SKAP2: variants seen among roughly 807,000 people sequenced by gnomAD.
The protein encoded by SKAP2 is src kinase-associated phosphoprotein 2.
A neutral mutation model predicts 54.9 loss-of-function variants in SKAP2; 28 were observed. The ratio of observed to expected loss-of-function variants is 0.51; its 90% CI spans 0.38 to 0.70. The LOEUF (loss-of-function observed/expected upper bound fraction) is 0.70, where lower values mean the gene tolerates loss of function less well. SKAP2 is among the 30% of genes least tolerant of loss of function. SKAP2 has a pLI of 0.00. For missense variants in SKAP2, 356 were observed against 424.1 expected, an observed-to-expected ratio of 0.84 and a Z score of 1.41; for synonymous variants, 137 against 134.3, an observed-to-expected ratio of 1.02 and a Z score of -0.14.
At chr7:26,812,156 T>C (rs1784160386) in intron 4 of SKAP2, among the ~76,000 whole-genome samples, 2 of 152,184 alleles carry the variant, frequency 1.3e-5, no homozygotes, top group South Asian at 4.1e-4. Context: ...CCTTGCAATA[T>C]CAAATCACTC....
At chr7:26,719,660 T>A (rs1248888422) in intron 9 of SKAP2, among the ~76,000 whole-genome samples, 1 of 152,198 alleles carries the variant, frequency 6.6e-6, no homozygotes, top group Non-Finnish European at 1.5e-5. Context: ...AGAAAATGCT[T>A]CCTTCATTTT....
intron 1 of SKAP2, among the ~76,000 whole-genome samples, chr7:26,863,153 A>T (rs1004939457): frequency 2.0e-5 from 3 of 152,180 alleles, no homozygotes; most frequent in Admixed American, 2.0e-4. Context: ...TACAAACATA[A>T]GTCTACATTC....
At chr7:26,834,196 T>A (rs779496645) in intron 4 of SKAP2, among the ~76,000 whole-genome samples, 13 of 152,150 alleles carry the variant, frequency 8.5e-5, no homozygotes, top group Admixed American at 2.0e-4. Flanking sequence ...GCTAAAGCAG[T>A]GTTTAGAGGA....
rs1784860739 is a variant in SKAP2, at chr7:26,843,581, C to T, written c.307+449G>A. ...AAAGAAGCATTTGATAAAAACCTGT[C>T]TCAGTGTGAAGAGGCAATGTCGGAA... On this transcript the variant is annotated intron_variant, in intron 4 of 12. Coordinates refer to ENST00000345317, the MANE Select transcript of SKAP2 (RefSeq NM_003930.5). Among the ~76,000 whole-genome samples, 4 of 151,880 alleles carry T rather than the reference C, an allele frequency of 2.6e-5. 1 individual carries two copies. The South Asian group carries it at 8.3e-4, about 32-fold the overall frequency.
chr7:26,657,785 G>A, the SKAP2 span, among the ~76,000 whole-genome samples: 1 of 127,972 alleles, frequency 7.8e-6, no homozygotes, highest in Non-Finnish European at 1.5e-5. Flanking sequence ...CATTTTTGAT[G>A]TTTGTATTTT....
intron 9 of SKAP2, among the ~76,000 whole-genome samples, chr7:26,711,072 C>A (rs1295630175): frequency 1.3e-5 from 2 of 152,128 alleles, no homozygotes; most frequent in Non-Finnish European, 2.9e-5. Flanking sequence ...CACGAAGGTT[C>A]CACCTGAGCA....
chr7:26,663,484 G>T (rs541299181), downstream of SKAP2, among the ~76,000 whole-genome samples: 1 of 152,208 alleles, frequency 6.6e-6, no homozygotes, highest in East Asian at 1.9e-4. Context: ...ACGTACTTAT[G>T]TATCAGATAT....
intron 4 of SKAP2, among the ~76,000 whole-genome samples, chr7:26,779,335 A>C (rs1002263318): frequency 6.6e-6 from 1 of 152,012 alleles, no homozygotes; most frequent in Non-Finnish European, 1.5e-5. Context: ...ACCTGCCCTT[A>C]TTACCACAAA....
chr7:26,819,240 C>A (rs1784335199), intron 4 of SKAP2, among the ~76,000 whole-genome samples: 1 of 151,992 alleles, frequency 6.6e-6, no homozygotes, highest in East Asian at 1.9e-4. Context: ...TACTATGCAG[C>A]CAAAAAAAGG....
At position 26,809,428 on chromosome 7, in the gene SKAP2, A is replaced by G. The variant is rs1784092585; in HGVS notation, c.307+34602T>C. Among the ~76,000 whole-genome samples, 4 of 152,152 alleles carry G rather than the reference A, an allele frequency of 2.6e-5. No individual in the cohort carries two copies. The South Asian group carries it at 8.3e-4, about 32-fold the overall frequency. On this transcript the variant is annotated intron_variant, in intron 4 of 12. Coordinates refer to ENST00000345317, the MANE Select transcript of SKAP2 (RefSeq NM_003930.5). ...AACTTCGTTTCACAAGAAAAAAAAA[A>G]AAAGTGGGCAAAGGACCTGAATAAA...
intron 4 of SKAP2, among the ~76,000 whole-genome samples, chr7:26,749,802 T>A (rs1039092136): frequency 2.8e-4 from 43 of 151,232 alleles, no homozygotes; most frequent in African/African-American, 1.0e-3. Flanking sequence ...ACTTCTTTCT[T>A]CCTTACCTAT....
intron 4 of SKAP2, among the ~76,000 whole-genome samples, chr7:26,835,274 T>C (rs1229023087): frequency 6.6e-6 from 1 of 152,138 alleles, no homozygotes; most frequent in Non-Finnish European, 1.5e-5. Context: ...GCATTCCCTT[T>C]GAAAAGTGGC....
At chr7:26,764,570 CTTCT>C (rs962393897) in intron 4 of SKAP2, among the ~76,000 whole-genome samples, 4 of 151,434 alleles carry the variant, frequency 2.6e-5, no homozygotes, top group African/African-American at 9.7e-5. Flanking sequence ...TTCATAATCT[CTTCT>C]TTTTTTCTTT....
In SKAP2 at chr7:26,799,114, ACAAGG is replaced by A. The variant is rs111943470; in HGVS notation, c.307+44911_307+44915del. On this transcript the variant is annotated intron_variant, in intron 4 of 12. Transcript: ENST00000345317. ...GCAGGGCAAGGCAAGGCAAGGCAAG[ACAAGG>A]CAAGGCAAGGCAAGGCAAGGCAAGG... 7.5e-4 allele frequency among the ~76,000 whole-genome samples: 112 copies of A among 148,874 alleles called. No individual in the cohort carries two copies. The South Asian group carries it at 7.9e-3, about 10-fold the overall frequency.
At chr7:26,825,285 G>T (rs938605891) in intron 4 of SKAP2, among the ~76,000 whole-genome samples, 2 of 151,912 alleles carry the variant, frequency 1.3e-5, no homozygotes, top group South Asian at 4.2e-4. Flanking sequence ...CCCCACCTTT[G>T]ATTTCCTCTT....
At chr7:26,751,546 T>G (rs1049256402) in intron 4 of SKAP2, among the ~76,000 whole-genome samples, 3 of 152,102 alleles carry the variant, frequency 2.0e-5, no homozygotes, top group Non-Finnish European at 4.4e-5. Flanking sequence ...AATCAAGAAG[T>G]CTTGGCATTT....
intron 4 of SKAP2, among the ~76,000 whole-genome samples, chr7:26,742,887 C>T (rs1782483453): frequency 6.6e-6 from 1 of 151,972 alleles, no homozygotes. Flanking sequence ...GTAGTAATTT[C>T]CTTTTAAAAA....
intron 4 of SKAP2, among the ~76,000 whole-genome samples, chr7:26,794,440 C>A (rs1376774250): frequency 2.0e-5 from 3 of 152,220 alleles, no homozygotes; most frequent in African/African-American, 7.2e-5. Flanking sequence ...AACATCTGAG[C>A]CCCTGGCCCA....
At chr7:26,679,247 T>C (rs186520236) in intron 11 of SKAP2, among the ~76,000 whole-genome samples, 32 of 152,322 alleles carry the variant, frequency 2.1e-4, no homozygotes, top group Admixed American at 1.2e-3. Flanking sequence ...TGCTTTCATC[T>C]GCCAACATTT....
Sources: gnomAD v4.1 joint callset for allele counts (sites outside exome capture counted in the v4.1 genomes callset) on GRCh38, gnomAD v4.1.1 for gene constraint, MANE v1.5 for transcripts, NCBI Gene and HGNC (gene_info 2026-07-23, HGNC 2026-07-21) for gene names.